Variants in TAF5L observed in about 807,000 individuals in gnomAD.
The protein encoded by TAF5L is TATA-box binding protein associated factor 5 like, also known as TAF5-like RNA polymerase II p300/CBP-associated factor-associated factor 65 kDa subunit 5L.
In TAF5L, 7 loss-of-function variants were observed where a neutral mutation model predicts 51.3. That is an observed-to-expected ratio of 0.14 (90% confidence interval 0.08 to 0.26). TAF5L has a LOEUF of 0.26. TAF5L is among the 10% of genes least tolerant of loss of function. The probability of loss-of-function intolerance (pLI) is 1.00; values close to 1 mark genes in which losing one functional copy is unlikely to be tolerated. For missense variants in TAF5L, 575 were observed against 758.9 expected (o/e 0.76, Z 2.85); for synonymous variants, 291 against 308.1 (o/e 0.94, Z 0.58).
chr1:229,624,309 A>G (rs1446955577), intron 1 of TAF5L, among the ~76,000 whole-genome samples: 1 of 152,238 alleles, frequency 6.6e-6, no homozygotes, highest in Non-Finnish European at 1.5e-5. Flanking sequence ...AAAGAAAAAT[A>G]CTCAAAACAA....
At position 229,608,995 on chromosome 1, in the gene TAF5L, C is replaced by A. The variant is rs371239296; in HGVS notation, c.247+1111G>T. ...CTCCTGCCTGGGCAACAGAACAATA[C>A]CGTCTCAAAAAAAAGAAAAAGAAGC... is the stretch of plus-strand genomic sequence containing the variant. On this transcript the variant is annotated intron_variant, in intron 3 of 4. Coordinates refer to ENST00000258281, the Ensembl canonical transcript of TAF5L. Among the ~76,000 whole-genome samples the A allele has an allele frequency of 3.3e-5, 5 of 152,182 alleles. No individual in the cohort carries two copies. The East Asian group carries it at 5.8e-4, about 18-fold the overall frequency.
chr1:229,621,634 C>T (rs1400397993), intron 1 of TAF5L, among the ~76,000 whole-genome samples: 3 of 152,100 alleles, frequency 2.0e-5, no homozygotes, highest in Non-Finnish European at 4.4e-5. Context: ...CCTATGACTA[C>T]CTTACCATAC....
At position 229,606,907 on chromosome 1, in the gene TAF5L, T is replaced by C. The variant is rs1009431520; in HGVS notation, c.247+3199A>G. On this transcript the variant is annotated intron_variant, in intron 3 of 4. Transcript: ENST00000258281. ...GAGGAAAAATACATTCAGGTGGATA[T>C]AGACATAGATACTCTTATATCTTTC... 7.1e-6 allele frequency: 7 copies of C among 985,320 alleles called. No individual in the cohort carries two copies. The African/African-American group carries it at 1.0e-4, about 15-fold the overall frequency. 61.0% of individuals were successfully genotyped at this position (985,320 alleles called of 1,614,324 possible).
intron 1 of TAF5L, among the ~76,000 whole-genome samples, chr1:229,624,828 G>C (rs1346819011): frequency 1.3e-5 from 2 of 152,036 alleles, no homozygotes; most frequent in Non-Finnish European, 2.9e-5. Flanking sequence ...CTTCCAAGTA[G>C]AGCTGTGACC....
At chr1:229,607,446 TAC>T in intron 3 of TAF5L, 1 of 985,460 alleles carries the variant, frequency 1.0e-6, no homozygotes, top group Non-Finnish European at 1.2e-6. Context: ...GTTGTTCCTG[TAC>T]AGTCGTCAAG....
chr1:229,607,115 T>G (rs1213081866), intron 3 of TAF5L: 1 of 985,308 alleles, frequency 1.0e-6, no homozygotes, highest in Admixed American at 6.1e-5. Context: ...ACATAAACCC[T>G]TCTGACTTAT....
At chr1:229,620,440 A>G (rs1665161952) in intron 1 of TAF5L, among the ~76,000 whole-genome samples, 1 of 152,184 alleles carries the variant, frequency 6.6e-6, no homozygotes, top group Admixed American at 6.5e-5. Flanking sequence ...AAAAGCAGCC[A>G]AAGTACATGA....
chr1:229,595,893 G>A (rs952583184), intron 4 of TAF5L, among the ~76,000 whole-genome samples: 29 of 152,138 alleles, frequency 1.9e-4, no homozygotes, highest in African/African-American at 6.3e-4. Flanking sequence ...TTGAACTCCC[G>A]ACCTCAGGTG....
chr1:229,594,100 T>C lies in TAF5L; in HGVS notation c.*197A>G. On this transcript the variant is annotated 3_prime_UTR_variant, in exon 5 of 5. Transcript: ENST00000258281. The surrounding 1 kb of genome is among the most constrained non-coding windows in gnomAD (Gnocchi z 7.9). ...TAATTCTTGATCACTCATCATTGCC[T>C]CTCTCCTGTTCCCCTCCCCAACCTT... is the stretch of plus-strand genomic sequence containing the variant. 1 of 604,706 alleles carries C rather than the reference T, an allele frequency of 1.7e-6. No homozygotes were observed. Among genetic ancestry groups the C allele is most frequent in the Non-Finnish European group, 2.9e-6 (1 of 339,744 alleles). The allele number at this position is 604,706 out of a possible 1,614,324, so 37.5% of individuals were successfully genotyped here.
intron 3 of TAF5L, among the ~76,000 whole-genome samples, chr1:229,604,948 ATTTTT>A (rs1341097671): frequency 6.6e-6 from 1 of 151,826 alleles, no homozygotes; most frequent in Non-Finnish European, 1.5e-5. Flanking sequence ...TACTGACTTT[ATTTTT>A]TTGAGATGGA....
intron 3 of TAF5L, chr1:229,606,889 A>C: frequency 1.0e-6 from 1 of 985,382 alleles, no homozygotes; most frequent in Non-Finnish European, 1.2e-6. Flanking sequence ...GTGGAGGAAA[A>C]ATACATTCAG....
chr1:229,594,916 G>A lies in TAF5L; in HGVS notation c.1151C>T (p.Ala384Val). The A allele has an allele frequency of 1.2e-6, 2 of 1,614,212 alleles. No homozygotes were observed. Among genetic ancestry groups the A allele is most frequent in the Non-Finnish European group, 1.7e-6 (2 of 1,180,042 alleles). ...GATGTCCAGATCCCACACAGGATAG[G>A]CATGTCCTTGGTACAACACAGTGTT... Residue 384 changes from alanine (A) to valine (V), a missense_variant, in exon 5 of 5, where the codon GCC becomes GTC. Physicochemically the swap from Ala to Val is moderately conservative, Grantham distance 64. Around this residue, in one of 3 missense-constraint regions of TAF5L, gnomAD observed 104 missense variants for 218.3 expected, o/e 0.48. Transcript: ENST00000258281. This position sits in a 1 kb window ranked among gnomAD's most constrained non-coding sequence, Gnocchi z 7.9.
At chr1:229,617,160 C>T (rs1665034650) in intron 1 of TAF5L, among the ~76,000 whole-genome samples, 1 of 152,202 alleles carries the variant, frequency 6.6e-6, no homozygotes, top group Admixed American at 6.5e-5. Flanking sequence ...TCTGTGGCCA[C>T]TGATCAGCAC....
chr1:229,600,418 T>A, intron 4 of TAF5L: 1 of 985,472 alleles, frequency 1.0e-6, no homozygotes, highest in Non-Finnish European at 1.2e-6. Context: ...AAAACCACCA[T>A]TCCAATGACG....
chr1:229,602,756 A>T lies in TAF5L; in HGVS notation c.411T>A (p.Ile137=), dbSNP rs1281439351. The change falls in exon 4 of 5, where the codon ATT becomes ATA. Residue 137 remains isoleucine (I), a synonymous_variant. Coordinates refer to ENST00000258281, the Ensembl canonical transcript of TAF5L. The surrounding 1 kb of genome is among the most constrained non-coding windows in gnomAD (Gnocchi z 4.6). ...TGGTTTGAGTGGTCTGTAGCTGCTC[A>T]ATGACATCCTTCTGGCTAGCATTCT... The T allele has an allele frequency of 6.2e-7, 1 of 1,614,130 alleles. No homozygotes were observed. The highest frequency in any genetic ancestry group is 1.1e-5 in the South Asian group (1 of 91,078).
chr1:229,601,644 C>A, intron 4 of TAF5L: 1 of 986,846 alleles, frequency 1.0e-6, no homozygotes, highest in Non-Finnish European at 1.2e-6. Flanking sequence ...GGGAACACCC[C>A]GGGGTACATG....
At chr1:229,622,807 G>A (rs1665264485) in intron 1 of TAF5L, among the ~76,000 whole-genome samples, 1 of 152,014 alleles carries the variant, frequency 6.6e-6, no homozygotes, top group South Asian at 2.1e-4. Flanking sequence ...TAGAGACGGA[G>A]TCTCACTACG....
chr1:229,600,454 T>A, intron 4 of TAF5L: 1 of 985,450 alleles, frequency 1.0e-6, no homozygotes, highest in African/African-American at 1.7e-5. Flanking sequence ...TTGATGGACA[T>A]CCAACTGTTT....
At chr1:229,622,879 G>T (rs1352658365) in intron 1 of TAF5L, among the ~76,000 whole-genome samples, 1 of 152,150 alleles carries the variant, frequency 6.6e-6, no homozygotes. Flanking sequence ...TGGGATTATC[G>T]GCATGAGCCA....
Sources: allele counts gnomAD v4.1 joint callset (sites outside exome capture counted in the v4.1 genomes callset), GRCh38; gene constraint gnomAD v4.1.1; regional missense constraint gnomAD v4.1.1; non-coding constraint Gnocchi (gnomAD v3.1); transcripts MANE v1.5; gene names NCBI Gene and HGNC (gene_info 2026-07-23, HGNC 2026-07-21).